PDE1C: variants seen among roughly 807,000 people sequenced by gnomAD.
PDE1C encodes dual specificity calcium/calmodulin-dependent 3',5'-cyclic nucleotide phosphodiesterase 1C.
A neutral mutation model predicts 93.1 loss-of-function variants in PDE1C; 62 were observed. The observed-to-expected ratio is 0.67, with a 90% confidence interval of 0.54 to 0.82. The LOEUF (loss-of-function observed/expected upper bound fraction) is 0.82, where lower values mean the gene tolerates loss of function less well. Ranked by LOEUF, PDE1C falls within the 40% of genes least tolerant of loss-of-function variation. The pLI, the probability that PDE1C is intolerant of heterozygous loss-of-function variation, is 0.00. For missense variants in PDE1C, 742 were observed against 884.6 expected, an observed-to-expected ratio of 0.84 and a Z score of 2.04; for synonymous variants, 325 against 310.1, an observed-to-expected ratio of 1.05 and a Z score of -0.50.
chr7:32,216,361 A>G (rs139766461), intron 1 of PDE1C, among the ~76,000 whole-genome samples: 92 of 152,204 alleles, frequency 6.0e-4, no homozygotes, highest in South Asian at 2.1e-3. Flanking sequence ...TCTATACTTC[A>G]GTGGGTTTAT....
intron 1 of PDE1C, among the ~76,000 whole-genome samples, chr7:32,284,926 A>G (rs1481305709): frequency 6.6e-6 from 1 of 151,822 alleles, no homozygotes; most frequent in African/African-American, 2.4e-5. Flanking sequence ...GCTACTTGGG[A>G]GGCTGAGGTG....
rs1803145025 is a variant in PDE1C, at chr7:32,178,305, TCTC to T, written c.137-8352_137-8350del. Among the ~76,000 whole-genome samples, 3 of 152,122 alleles carry T rather than the reference TCTC, an allele frequency of 2.0e-5. No homozygotes were observed. The South Asian group carries it at 6.2e-4, about 32-fold the overall frequency. ...CTGGTGAGTCTTTTGGAGTAAGTAC[TCTC>T]CTCTGTGAACTCTGAGAGAGTGGAA... On this transcript the variant is annotated intron_variant, in intron 2 of 18. Coordinates refer to the PDE1C transcript ENST00000396193.
chr7:31,730,068 G>A, the PDE1C span, among the ~76,000 whole-genome samples: 9 of 152,106 alleles, frequency 5.9e-5, no homozygotes, highest in African/African-American at 2.2e-4. Context: ...TCCTCACCTG[G>A]TTGATCTGAC....
At chr7:31,651,182 A>G in the PDE1C span, 1 of 1,613,562 alleles carries the variant, frequency 6.2e-7, no homozygotes, top group South Asian at 1.1e-5. Context: ...ACGATATGCC[A>G]AAGTTTCCGG....
At chr7:31,836,055 C>A (rs887066010) in intron 11 of PDE1C, among the ~76,000 whole-genome samples, 2 of 152,170 alleles carry the variant, frequency 1.3e-5, no homozygotes, top group African/African-American at 4.8e-5. Flanking sequence ...GCTGTTGAAT[C>A]TCTTTTCTTG....
At chr7:31,658,299 CTT>C in the PDE1C span, 7 of 1,388,172 alleles carry the variant, frequency 5.0e-6, no homozygotes, top group South Asian at 1.4e-5. Context: ...AGCTGGATCC[CTT>C]TTTTTTTTCT....
intron 14 of PDE1C, among the ~76,000 whole-genome samples, chr7:31,821,475 T>A (rs988825596): frequency 6.6e-6 from 1 of 152,146 alleles, no homozygotes; most frequent in Non-Finnish European, 1.5e-5. Context: ...TTTTCAAGTG[T>A]AATGAGTGTA....
intron 15 of PDE1C, among the ~76,000 whole-genome samples, chr7:31,811,596 T>G (rs1275708268): frequency 6.6e-6 from 1 of 152,160 alleles, no homozygotes; most frequent in East Asian, 1.9e-4. Context: ...AACTAGTTCC[T>G]TCTAGTTCAT....
At chr7:32,378,184 C>G (rs1478259234) in intron 1 of PDE1C, among the ~76,000 whole-genome samples, 1 of 152,182 alleles carries the variant, frequency 6.6e-6, no homozygotes, top group Non-Finnish European at 1.5e-5. Context: ...CTTCTACCTC[C>G]TCCCTTACTC....
At chr7:32,029,458 G>T (rs570965271) in intron 2 of PDE1C, among the ~76,000 whole-genome samples, 41 of 152,110 alleles carry the variant, frequency 2.7e-4, no homozygotes, top group African/African-American at 9.9e-4. Flanking sequence ...ACACTGTTTG[G>T]AAAAACAAAG....
At chr7:32,187,401 G>T (rs893262697) in intron 2 of PDE1C, among the ~76,000 whole-genome samples, 1 of 152,066 alleles carries the variant, frequency 6.6e-6, no homozygotes, top group African/African-American at 2.4e-5. Flanking sequence ...TGTGTCTGAG[G>T]TGATGAGATT....
intron 1 of PDE1C, among the ~76,000 whole-genome samples, chr7:32,265,903 T>C (rs1471427263): frequency 6.7e-6 from 1 of 148,598 alleles, no homozygotes; most frequent in African/African-American, 2.4e-5. Context: ...TGGGAACATC[T>C]GGAAGACCTC....
intron 3 of PDE1C, among the ~76,000 whole-genome samples, chr7:32,166,366 T>G (rs1432961437): frequency 6.6e-6 from 1 of 152,146 alleles, no homozygotes; most frequent in African/African-American, 2.4e-5. Context: ...AAGCCCTTGG[T>G]ACAACTGAGC....
chr7:32,080,608 C>T (rs942825020), intron 3 of PDE1C, among the ~76,000 whole-genome samples: 10 of 152,182 alleles, frequency 6.6e-5, no homozygotes, highest in African/African-American at 2.4e-4. Flanking sequence ...CTGTTCCTTG[C>T]ACCCTCCAGA....
At chr7:31,705,518 G>C in the PDE1C span, among the ~76,000 whole-genome samples, 2 of 152,180 alleles carry the variant, frequency 1.3e-5, no homozygotes, top group Non-Finnish European at 2.9e-5. Context: ...GTTTCAGCCA[G>C]ACTCTTGAAA....
intron 1 of PDE1C, among the ~76,000 whole-genome samples, chr7:32,314,816 A>G (rs1457134596): frequency 6.6e-6 from 1 of 151,934 alleles, no homozygotes; most frequent in Non-Finnish European, 1.5e-5. Context: ...AGATCCAGCT[A>G]TTTGCTGAAA....
At chr7:31,772,424 G>A (rs1266146740) in intron 17 of PDE1C, among the ~76,000 whole-genome samples, 2 of 151,514 alleles carry the variant, frequency 1.3e-5, no homozygotes. Context: ...AGTCCCTTTT[G>A]CTCCACAGGA....
intron 2 of PDE1C, among the ~76,000 whole-genome samples, chr7:31,967,456 A>C (rs1302539855): frequency 2.0e-5 from 3 of 152,248 alleles, no homozygotes; most frequent in Admixed American, 6.5e-5. Context: ...GCTGAAATTG[A>C]GGCAATAATT....
At chr7:32,017,431 A>G (rs1206067136) in intron 2 of PDE1C, among the ~76,000 whole-genome samples, 3 of 152,190 alleles carry the variant, frequency 2.0e-5, no homozygotes, top group African/African-American at 4.8e-5. Context: ...ACATGACCTT[A>G]GATTAGGCAT....
Sources: gnomAD v4.1 joint callset for allele counts (sites outside exome capture counted in the v4.1 genomes callset) on GRCh38, gnomAD v4.1.1 for gene constraint, MANE v1.5 for transcripts, NCBI Gene and HGNC (gene_info 2026-07-23, HGNC 2026-07-21) for gene names.